Variants in CATSPER2 observed in about 807,000 individuals in gnomAD.
CATSPER2 encodes cation channel sperm associated 2.
In CATSPER2, 56 loss-of-function variants were observed where a neutral mutation model predicts 68.8. The observed-to-expected ratio is 0.81, with a 90% CI of 0.66 to 1.02. CATSPER2 has a LOEUF of 1.02. Ranked by LOEUF, CATSPER2 falls within the 50% of genes least tolerant of loss-of-function variation. The pLI, the probability that CATSPER2 is intolerant of heterozygous loss-of-function variation, is 0.00. For synonymous variants in CATSPER2, 198 were observed against 229.9 expected (o/e 0.86, Z 1.26); for missense variants, 582 against 642.0 (o/e 0.91, Z 1.01).
intron 12 of CATSPER2, chr15:43,631,453 T>A: frequency 4.2e-6 from 1 of 235,970 alleles, no homozygotes; most frequent in South Asian, 6.0e-5. Flanking sequence ...ATGATCCTAA[T>A]CTCCTGACCT....
Position 43,630,385 on chromosome 15 carries a change from C to T in CATSPER2, c.*316G>A, listed in dbSNP as rs2085852085. On this transcript the variant is annotated 3_prime_UTR_variant, in exon 13 of 13. Coordinates refer to ENST00000396879, the MANE Select transcript of CATSPER2 (RefSeq NM_172095.4). ...TTTATAAGACACTTATACAGAGTCT[C>T]ACTCTGTTGCCCAGGCTGGAGTGCA... 2.5e-6 allele frequency: 1 copy of T among 405,882 alleles called. No homozygotes were observed. The highest frequency in any genetic ancestry group is 2.1e-5 in the African/African-American group (1 of 48,600). 25.1% of individuals were successfully genotyped at this position (405,882 alleles called of 1,614,324 possible).
At chr15:43,643,830 T>A (rs2086113882) in intron 4 of CATSPER2, among the ~76,000 whole-genome samples, 1 of 151,896 alleles carries the variant, frequency 6.6e-6, no homozygotes, top group African/African-American at 2.4e-5. Context: ...TGGGAAAAAA[T>A]TGTAATGATA....
At position 43,638,447 on chromosome 15, in the gene CATSPER2, GC is replaced by G. The variant is rs1374687154; in HGVS notation, c.842+456del. Among the ~76,000 whole-genome samples the G allele has an allele frequency of 2.0e-5, 3 of 150,320 alleles. No homozygotes were observed. In the East Asian group the frequency reaches 5.9e-4, roughly 30 times the overall value. On this transcript the variant is annotated intron_variant, in intron 7 of 12. Coordinates refer to ENST00000396879, the MANE Select transcript of CATSPER2 (RefSeq NM_172095.4). ...GGGACTACAGGCGCCTGCCACCACGGCTGGCTAATTTTTGTATTTTTGGTAG... is the reference window on the plus strand; with the variant it reads ...GGGACTACAGGCGCCTGCCACCACGGTGGCTAATTTTTGTATTTTTGGTAG...
chr15:43,641,516 A>G (rs1309177734), intron 4 of CATSPER2, among the ~76,000 whole-genome samples: 16 of 92,414 alleles, frequency 1.7e-4, no homozygotes, highest in African/African-American at 7.5e-4. Flanking sequence ...ATACCCTTGG[A>G]AAAAAAAAAA....
chr15:43,639,251 T>A (rs2447195), intron 6 of CATSPER2, among the ~76,000 whole-genome samples: 48,437 of 142,884 alleles, frequency 0.34, 8,733 homozygotes, highest in African/African-American at 0.51. Flanking sequence ...TTTCATATAT[T>A]TTTTTTTTTT....
Position 43,628,593 on chromosome 15 carries a change from C to CT in CATSPER2, c.*2107dup, listed in dbSNP as rs1450939127. 1 of 144,754 alleles carries CT rather than the reference C, an allele frequency of 6.9e-6. No individual in the cohort carries two copies. Among genetic ancestry groups the CT allele is most frequent in the Non-Finnish European group, 1.5e-5 (1 of 66,970 alleles). 9.0% of individuals were successfully genotyped at this position (144,754 alleles called of 1,614,324 possible). ...TGCCAGACATACTCTTAGGTGAGGA[C>CT]TTTATAATTACCACCCTATTGCCCC... On this transcript the variant is annotated 3_prime_UTR_variant, in exon 13 of 13. Coordinates refer to ENST00000396879, the MANE Select transcript of CATSPER2 (RefSeq NM_172095.4).
intron 4 of CATSPER2, among the ~76,000 whole-genome samples, chr15:43,644,881 G>T (rs1175754366): frequency 6.6e-6 from 1 of 151,964 alleles, no homozygotes; most frequent in Non-Finnish European, 1.5e-5. Flanking sequence ...TTCTAGCCAT[G>T]CAAGGCAAAT....
chr15:43,638,944 G>C lies in CATSPER2; in HGVS notation c.802C>G (p.Arg268Gly), dbSNP rs150929073. 54 of 1,613,098 alleles carry C rather than the reference G, an allele frequency of 3.3e-5. No individual in the cohort carries two copies. The highest frequency in any genetic ancestry group is 1.6e-4 in the East Asian group (7 of 44,832). Reference sequence around the variant, plus strand: ...TACTCCAGGTCCTGACGAGGTGAACGGGTGTACTCTGAGAAGACGTAGACA... The same window carrying C: ...TACTCCAGGTCCTGACGAGGTGAACCGGTGTACTCTGAGAAGACGTAGACA... ...TGVYVFSEYTRSPRQDLEYHV... is the reference protein window; with the variant it reads ...TGVYVFSEYTGSPRQDLEYHV... The change falls in exon 7 of 13, where the codon CGT (arginine) becomes GGT (glycine). Residue 268 changes from arginine to glycine, a missense_variant. Around this residue, in one of 5 missense-constraint regions of CATSPER2, gnomAD observed 91 missense variants for 72.8 expected, o/e 1.25. Transcript: ENST00000396879.
intron 6 of CATSPER2, chr15:43,639,291 C>A: frequency 2.1e-6 from 1 of 478,562 alleles, no homozygotes; most frequent in African/African-American, 2.0e-5. Flanking sequence ...GTCGCCTAGG[C>A]TAGAGTGCAG....
At chr15:43,639,244 CAT>C (rs200850483) in intron 6 of CATSPER2, among the ~76,000 whole-genome samples, 1 of 149,482 alleles carries the variant, frequency 6.7e-6, no homozygotes, top group Non-Finnish European at 1.5e-5. Context: ...AGATTTCTTT[CAT>C]ATATTTTTTT....
In CATSPER2 at chr15:43,647,444, C is replaced by T. The variant is rs8042868; in HGVS notation, c.169G>A (p.Val57Ile). The T allele has an allele frequency of 0.11, 183,868 of 1,612,710 alleles. 14,243 individuals carry two copies. Among genetic ancestry groups the T allele is most frequent in the East Asian group, 0.27 (12,240 of 44,836 alleles). Reference sequence around the variant, plus strand: ...ACTAGCTGGTGTTGATCTCCCAATACAAGTTTCTTCTGGCGGGAAGGATCT... The same window carrying T: ...ACTAGCTGGTGTTGATCTCCCAATATAAGTTTCTTCTGGCGGGAAGGATCT... ...LLDPSRQKKL[V>I]LGDQHQLVRF... The change falls in exon 3 of 13, where the codon GTA becomes ATA. Residue 57 changes from valine to isoleucine, a missense_variant. Physicochemically the swap from Val to Ile is conservative, Grantham distance 29 (BLOSUM62 3). This residue lies in a region of CATSPER2 where 197 missense variants were observed against 191.0 expected (regional missense o/e 1.03). Coordinates refer to ENST00000396879, the MANE Select transcript of CATSPER2 (RefSeq NM_172095.4).
intron 4 of CATSPER2, among the ~76,000 whole-genome samples, chr15:43,641,668 T>C (rs1388755026): frequency 6.6e-6 from 1 of 151,868 alleles, no homozygotes; most frequent in Non-Finnish European, 1.5e-5. Context: ...TTTACAGAGG[T>C]TGGCCCCTTC....
In CATSPER2 at chr15:43,630,587, T is replaced by A; in HGVS notation, c.*114A>T. 4.4e-6 allele frequency: 7 copies of A among 1,602,666 alleles called. No individual in the cohort carries two copies. The highest frequency in any genetic ancestry group is 6.0e-6 in the Non-Finnish European group (7 of 1,174,210). ...TGGCCTAGACACTTATACTTTTTAATTTTAATGAACAGACATTGTTCTATC... is the reference window on the plus strand; with the variant it reads ...TGGCCTAGACACTTATACTTTTTAAATTTAATGAACAGACATTGTTCTATC... On this transcript the variant is annotated 3_prime_UTR_variant, in exon 13 of 13. Transcript: ENST00000396879.
At chr15:43,637,107 G>A (rs1374062990) in intron 7 of CATSPER2, among the ~76,000 whole-genome samples, 1 of 151,936 alleles carries the variant, frequency 6.6e-6, no homozygotes, top group Non-Finnish European at 1.5e-5. Flanking sequence ...ACAGGTGTGA[G>A]CCACCATGGC....
intron 7 of CATSPER2, 133 bp from the exon 8 acceptor site, chr15:43,636,352 C>T (rs1279588627): frequency 8.1e-5 from 101 of 1,254,574 alleles, no homozygotes; most frequent in Non-Finnish European, 1.1e-4. Context: ...TTCTACCATA[C>T]TCAGTTTTTA....
intron 4 of CATSPER2, among the ~76,000 whole-genome samples, chr15:43,646,757 C>A (rs1173883360): frequency 2.7e-5 from 4 of 150,362 alleles, no homozygotes; most frequent in Non-Finnish European, 4.4e-5. Flanking sequence ...CTCTGTCGCC[C>A]AGGCTGAAAT....
intron 4 of CATSPER2, among the ~76,000 whole-genome samples, chr15:43,643,823 GA>G (rs1437930046): frequency 6.6e-6 from 1 of 151,790 alleles, no homozygotes; most frequent in Non-Finnish European, 1.5e-5. Context: ...CCACCTTTGG[GA>G]AAAAATTGTA....
intron 9 of CATSPER2, 133 bp downstream of exon 9, chr15:43,635,594 A>G: frequency 9.8e-7 from 1 of 1,022,040 alleles, no homozygotes; most frequent in Non-Finnish European, 1.5e-6. Flanking sequence ...AATATTCTAG[A>G]GCTGGAGAAT....
At chr15:43,640,080 C>A in intron 5 of CATSPER2, 1 of 1,439,430 alleles carries the variant, frequency 6.9e-7, no homozygotes, top group Non-Finnish European at 9.1e-7. Flanking sequence ...TAATGCTTGG[C>A]ACTTAGTAAG....
Sources: gnomAD v4.1 joint callset for allele counts (sites outside exome capture counted in the v4.1 genomes callset) on GRCh38, gnomAD v4.1.1 for gene constraint, gnomAD v4.1.1 regional missense constraint, MANE v1.5 for transcripts, NCBI Gene and HGNC (gene_info 2026-07-23, HGNC 2026-07-21) for gene names.